The following CFH variants were observed in gnomAD, a reference collection of about 807,000 sequenced individuals.
CFH encodes H factor 1 (complement).
A neutral mutation model predicts 147.3 loss-of-function variants in CFH; 53 were observed. The ratio of observed to expected loss-of-function variants is 0.36; its 90% CI spans 0.29 to 0.45. CFH has a LOEUF of 0.45. CFH is among the 20% of genes least tolerant of loss of function. The pLI is 1.00. For missense variants in CFH, 1,380 were observed against 1,498.0 expected (o/e 0.92, Z 1.30); for synonymous variants, 536 against 489.4 (o/e 1.10, Z -1.26).
At chr1:196,730,697 G>C (rs996152134) in intron 15 of CFH, among the ~76,000 whole-genome samples, 8 of 151,672 alleles carry the variant, frequency 5.3e-5, no homozygotes, top group African/African-American at 1.9e-4. Flanking sequence ...TACTATTACT[G>C]TGTTGCAGTC....
chr1:196,665,649 C>G (rs1667057167), intron 1 of CFH, among the ~76,000 whole-genome samples: 1 of 151,906 alleles, frequency 6.6e-6, no homozygotes, highest in Non-Finnish European at 1.5e-5. Context: ...CTCTTGTTGC[C>G]CAGGCTGGAG....
chr1:196,716,100 G>T (rs1301931297), intron 11 of CFH, among the ~76,000 whole-genome samples: 1 of 151,720 alleles, frequency 6.6e-6, no homozygotes, highest in Non-Finnish European at 1.5e-5. Context: ...CAGCTAATTT[G>T]TTTTTTTAAT....
At position 196,740,719 on chromosome 1, in the gene CFH, A is replaced by C. The variant is rs753657018; in HGVS notation, c.2883A>C (p.Glu961Asp). The C allele has an allele frequency of 1.2e-6, 2 of 1,614,052 alleles. No individual in the cohort carries two copies. The highest frequency in any genetic ancestry group is 3.3e-4 in the Middle Eastern group (2 of 6,060). Residue 961 changes from glutamate to aspartate, a missense_variant, in exon 18 of 22, where the codon GAA (glutamate) becomes GAC (aspartate). Coordinates refer to ENST00000367429, the MANE Select transcript of CFH (RefSeq NM_000186.4). Reference protein sequence around the residue: ...YGEEVTYKCFEGFGIDGPAIA... With the variant: ...YGEEVTYKCFDGFGIDGPAIA... ...AAGAAGTTACGTACAAATGTTTTGA[A>C]GGTTTTGGAATTGATGGGCCTGCAA...
intron 9 of CFH, among the ~76,000 whole-genome samples, chr1:196,690,949 T>C (rs1206979447): frequency 2.0e-5 from 3 of 152,140 alleles, no homozygotes; most frequent in Non-Finnish European, 4.4e-5. Context: ...TAGTCCCAGG[T>C]AGCCTTTTCC....
At chr1:196,679,325 A>C in intron 5 of CFH, 1 of 221,346 alleles carries the variant, frequency 4.5e-6, no homozygotes, top group South Asian at 6.8e-5. Flanking sequence ...AAAACATCAC[A>C]ATAAAACTAT....
chr1:196,689,408 T>C lies in CFH; in HGVS notation c.965-12T>C. ...AATTTCTTTATACTTTTTTTAAAAT[T>C]TTTATTGCAAGTGAAACCTTGTGAT... On this transcript the variant is annotated splice_polypyrimidine_tract_variant and intron_variant, in intron 7 of 21. Transcript: ENST00000367429. 1 of 1,610,718 alleles carries C rather than the reference T, an allele frequency of 6.2e-7. No homozygotes were observed. Among genetic ancestry groups the C allele is most frequent in the Non-Finnish European group, 8.5e-7 (1 of 1,178,306 alleles).
At chr1:196,674,508 T>G (rs1452141988) in intron 3 of CFH, among the ~76,000 whole-genome samples, 1 of 152,180 alleles carries the variant, frequency 6.6e-6, no homozygotes, top group Non-Finnish European at 1.5e-5. Flanking sequence ...CTACTGGGTT[T>G]TCATTGCCAA....
intron 1 of CFH, among the ~76,000 whole-genome samples, chr1:196,663,652 C>T (rs1034215485): frequency 6.6e-6 from 1 of 152,026 alleles, no homozygotes; most frequent in Non-Finnish European, 1.5e-5. Context: ...AAAAAATCTT[C>T]CTCATATTAA....
chr1:196,715,359 T>C (rs1464251814), intron 10 of CFH, among the ~76,000 whole-genome samples: 2 of 152,100 alleles, frequency 1.3e-5, no homozygotes, highest in East Asian at 1.9e-4. Flanking sequence ...AAAATGTTTT[T>C]AAAATATATT....
chr1:196,712,193 C>T (rs774023814), intron 9 of CFH, among the ~76,000 whole-genome samples: 1 of 151,992 alleles, frequency 6.6e-6, no homozygotes, highest in Non-Finnish European at 1.5e-5. Flanking sequence ...TATTTTGTTC[C>T]ATTTCCTTAT....
chr1:196,655,776 T>G (rs1367658850), intron 1 of CFH, among the ~76,000 whole-genome samples: 2 of 151,986 alleles, frequency 1.3e-5, no homozygotes, highest in African/African-American at 4.8e-5. Flanking sequence ...CACAAAACCA[T>G]AGTACATGGA....
At chr1:196,720,506 G>A (rs1668974135) in intron 11 of CFH, among the ~76,000 whole-genome samples, 1 of 151,800 alleles carries the variant, frequency 6.6e-6, no homozygotes, top group African/African-American at 2.4e-5. Context: ...GCATTATTTA[G>A]CTCTCACTTA....
chr1:196,656,006 A>G (rs1666672840), intron 1 of CFH, among the ~76,000 whole-genome samples: 1 of 152,170 alleles, frequency 6.6e-6, no homozygotes, highest in African/African-American at 2.4e-5. Flanking sequence ...AATAGATAGA[A>G]AAGTGATTAT....
At chr1:196,683,117 A>C (rs1667710440) in intron 6 of CFH, among the ~76,000 whole-genome samples, 1 of 151,258 alleles carries the variant, frequency 6.6e-6, no homozygotes, top group Non-Finnish European at 1.5e-5. Context: ...GTACAAGAGG[A>C]GAAGCAAAAA....
chr1:196,680,212 ACT>A lies in CFH; in HGVS notation c.790+423_790+424del, dbSNP rs567575812. The stretch of plus-strand genomic sequence containing the variant: ...ACTTGTATTAATACCAGGTGAGGAA[ACT>A]CTCAACTGACAATGGAATTAAGTTG... On this transcript the variant is annotated intron_variant, in intron 6 of 21. Transcript: ENST00000367429. 5.3e-5 allele frequency among the ~76,000 whole-genome samples: 8 copies of A among 151,604 alleles called. No homozygotes were observed. The South Asian group carries it at 6.2e-4, about 12-fold the overall frequency.
chr1:196,744,177 T>G, intron 20 of CFH, among the ~76,000 whole-genome samples: 1 of 150,972 alleles, frequency 6.6e-6, no homozygotes, highest in East Asian at 1.9e-4. Context: ...TTTTCTGTAT[T>G]TTTTTTTTCA....
In CFH at chr1:196,679,845, T is replaced by C. The variant is rs549704328; in HGVS notation, c.790+52T>C. On this transcript the variant is annotated intron_variant, in intron 6 of 21. Transcript: ENST00000367429. ...TTTATAAATTTATCACATATTTTAA[T>C]TAATTCTTTTAATAAATCCACTTAT... The C allele has an allele frequency of 3.5e-6, 5 of 1,432,272 alleles. No individual in the cohort carries two copies. The African/African-American group carries it at 7.2e-5, about 21-fold the overall frequency. The allele number at this position is 1,432,272 out of a possible 1,614,324, so 88.7% of individuals were successfully genotyped here.
At chr1:196,657,213 T>C (rs868287016) in intron 1 of CFH, among the ~76,000 whole-genome samples, 5 of 152,340 alleles carry the variant, frequency 3.3e-5, no homozygotes, top group African/African-American at 1.2e-4. Context: ...CTCTAGAGTT[T>C]GTTTCTTTAA....
At chr1:196,658,628 A>G (rs1666798604) in intron 1 of CFH, among the ~76,000 whole-genome samples, 1 of 151,872 alleles carries the variant, frequency 6.6e-6, no homozygotes, top group South Asian at 2.1e-4. Context: ...AGTGTTAGTC[A>G]GGATGGTCTG....
Sources: gnomAD v4.1 joint callset for allele counts (sites outside exome capture counted in the v4.1 genomes callset) on GRCh38, gnomAD v4.1.1 for gene constraint, MANE v1.5 for transcripts, NCBI Gene and HGNC (gene_info 2026-07-23, HGNC 2026-07-21) for gene names.